Variants in SMYD3 observed in about 807,000 individuals in gnomAD.
SMYD3 encodes the protein SET and MYND domain containing 3, also known as histone-lysine N-methyltransferase SMYD3.
SMYD3 carries 36 observed loss-of-function variants against 57.7 expected under a neutral mutation model. The ratio of observed to expected loss-of-function variants is 0.62; its 90% CI spans 0.48 to 0.82. The LOEUF (loss-of-function observed/expected upper bound fraction) is 0.82. Ranked by LOEUF, SMYD3 falls within the 40% of genes least tolerant of loss-of-function variation. The pLI is 0.00. For missense variants in SMYD3, 515 were observed against 538.8 expected (o/e 0.96, Z 0.44); for synonymous variants, 211 against 195.0 (o/e 1.08, Z -0.68).
intron 10 of SMYD3, among the ~76,000 whole-genome samples, chr1:245,797,949 G>A (rs1248398061): frequency 6.6e-6 from 1 of 151,968 alleles, no homozygotes; most frequent in Non-Finnish European, 1.5e-5. Flanking sequence ...CACAATATGG[G>A]TTTGAGGATG....
chr1:245,837,400 C>T (rs2148405881), intron 10 of SMYD3, among the ~76,000 whole-genome samples: 1 of 152,088 alleles, frequency 6.6e-6, no homozygotes, highest in South Asian at 2.1e-4. Flanking sequence ...GCCTGAGAGG[C>T]TGGGCAAAGG....
At chr1:246,324,403 G>A (rs1392890209) in intron 5 of SMYD3, among the ~76,000 whole-genome samples, 1 of 88,004 alleles carries the variant, frequency 1.1e-5, no homozygotes, top group East Asian at 3.8e-4. Flanking sequence ...CGACAAGAGC[G>A]AAAACTCCAT....
At chr1:246,334,739 CAG>C (rs1215967906) in intron 3 of SMYD3, among the ~76,000 whole-genome samples, 1 of 152,088 alleles carries the variant, frequency 6.6e-6, no homozygotes, top group African/African-American at 2.4e-5. Context: ...TTTTTTAAAA[CAG>C]AGAGAAGTAG....
At chr1:246,410,961 G>C (rs1225268960) in intron 1 of SMYD3, among the ~76,000 whole-genome samples, 1 of 152,190 alleles carries the variant, frequency 6.6e-6, no homozygotes, top group African/African-American at 2.4e-5. Flanking sequence ...TCTGCGTAGA[G>C]GTGTTTATAG....
At position 245,845,289 on chromosome 1, in the gene SMYD3, T is replaced by A. The variant is rs1201819322; in HGVS notation, c.1076+13207A>T. 2.0e-5 allele frequency among the ~76,000 whole-genome samples: 3 copies of A among 152,340 alleles called. No homozygotes were observed. In the East Asian group the frequency reaches 5.8e-4, roughly 29 times the overall value. ...TTCAGAAATAGCTATTTAAAAGGTA[T>A]AAATTAACCTCACTAACTCCTATTT... On this transcript the variant is annotated intron_variant, in intron 10 of 11. Transcript: ENST00000490107.
intron 11 of SMYD3, among the ~76,000 whole-genome samples, chr1:245,763,318 G>C (rs2045932716): frequency 6.6e-6 from 1 of 152,188 alleles, no homozygotes; most frequent in African/African-American, 2.4e-5. Flanking sequence ...CCTGGGGGCA[G>C]GGGTAAGGGT....
chr1:246,235,880 A>T (rs10802361), intron 5 of SMYD3, among the ~76,000 whole-genome samples: 31,558 of 152,112 alleles, frequency 0.21, 3,991 homozygotes, highest in East Asian at 0.58. Context: ...TGCAACTGAG[A>T]AACTGAATTT....
At chr1:246,205,918 T>C (rs2062993171) in intron 5 of SMYD3, among the ~76,000 whole-genome samples, 1 of 152,144 alleles carries the variant, frequency 6.6e-6, no homozygotes, top group Non-Finnish European at 1.5e-5. Flanking sequence ...CTTCCTCATA[T>C]GTAAAGTGGG....
intron 5 of SMYD3, among the ~76,000 whole-genome samples, chr1:246,230,198 A>G (rs910502712): frequency 1.3e-5 from 2 of 152,214 alleles, no homozygotes; most frequent in Non-Finnish European, 2.9e-5. Context: ...TATTCTGTAT[A>G]TAATGCTCCA....
chr1:246,209,831 GACT>G (rs1188150943), intron 5 of SMYD3, among the ~76,000 whole-genome samples: 1 of 152,130 alleles, frequency 6.6e-6, no homozygotes, highest in African/African-American at 2.4e-5. Context: ...AAATTAGTCT[GACT>G]CTAGTGAATC....
At chr1:245,995,306 C>G (rs2058904445) in intron 5 of SMYD3, among the ~76,000 whole-genome samples, 1 of 152,206 alleles carries the variant, frequency 6.6e-6, no homozygotes, top group Non-Finnish European at 1.5e-5. Context: ...GTAGAAACAA[C>G]TAGGTCCAAA....
At chr1:246,129,163 G>T (rs929032838) in intron 5 of SMYD3, among the ~76,000 whole-genome samples, 1 of 152,010 alleles carries the variant, frequency 6.6e-6, no homozygotes, top group African/African-American at 2.4e-5. Context: ...GTGCAGGCAG[G>T]GGACAGATGG....
intron 5 of SMYD3, among the ~76,000 whole-genome samples, chr1:246,204,323 A>C (rs2062964537): frequency 6.6e-6 from 1 of 152,130 alleles, no homozygotes; most frequent in Non-Finnish European, 1.5e-5. Context: ...TCCTTTTCCC[A>C]GACCCCACTT....
In SMYD3 at chr1:246,054,669, A is replaced by G. The variant is rs565235265; in HGVS notation, c.532-124732T>C. Among the ~76,000 whole-genome samples the G allele has an allele frequency of 5.3e-5, 8 of 152,208 alleles. No individual in the cohort carries two copies. In the East Asian group the frequency reaches 1.4e-3, roughly 26 times the overall value. On this transcript the variant is annotated intron_variant, in intron 5 of 11. Coordinates refer to ENST00000490107, the MANE Select transcript of SMYD3 (RefSeq NM_001167740.2). ...TTCACTTTATGTAAAATGCAAGTTG[A>G]TGTACAGTGACAAAAAGGAGATCAC...
At chr1:246,144,199 C>T (rs1047125336) in intron 5 of SMYD3, among the ~76,000 whole-genome samples, 1 of 152,222 alleles carries the variant, frequency 6.6e-6, no homozygotes, top group Non-Finnish European at 1.5e-5. Context: ...CGCCATGTCC[C>T]TGGCACTCTT....
At chr1:245,883,537 G>A (rs2052909915) in intron 8 of SMYD3, among the ~76,000 whole-genome samples, 1 of 152,156 alleles carries the variant, frequency 6.6e-6, no homozygotes, top group Non-Finnish European at 1.5e-5. Context: ...CATCAGGACT[G>A]GAGTCAAGAA....
At chr1:246,437,653 G>A (rs1022889732) in intron 1 of SMYD3, among the ~76,000 whole-genome samples, 7 of 152,092 alleles carry the variant, frequency 4.6e-5, no homozygotes, top group East Asian at 1.9e-4. Context: ...AAAAGATAAC[G>A]CTATGAAACA....
intron 5 of SMYD3, among the ~76,000 whole-genome samples, chr1:246,152,624 T>C (rs1228810973): frequency 6.6e-6 from 1 of 152,238 alleles, no homozygotes; most frequent in African/African-American, 2.4e-5. Flanking sequence ...AACAATTTCA[T>C]TCGATTAGAT....
At chr1:246,158,231 A>C (rs2062053709) in intron 5 of SMYD3, among the ~76,000 whole-genome samples, 1 of 152,252 alleles carries the variant, frequency 6.6e-6, no homozygotes, top group South Asian at 2.1e-4. Context: ...TCATTGGTGC[A>C]AAATGAAACA....
Sources: allele counts gnomAD v4.1 joint callset (sites outside exome capture counted in the v4.1 genomes callset), GRCh38; gene constraint gnomAD v4.1.1; transcripts MANE v1.5; gene names NCBI Gene and HGNC (gene_info 2026-07-23, HGNC 2026-07-21).